Variants in CATSPER1 observed in about 807,000 individuals in gnomAD.
CATSPER1 encodes cation channel sperm-associated protein 1.
A neutral mutation model predicts 72.7 loss-of-function variants in CATSPER1; 57 were observed. The observed-to-expected ratio is 0.78, with a 90% confidence interval of 0.63 to 0.98. The LOEUF is 0.98. Among genes scored for constraint, CATSPER1 ranks in the 50% least tolerant of loss-of-function variants. The pLI, the probability that CATSPER1 is intolerant of heterozygous loss-of-function variation, is 0.00. For missense variants in CATSPER1, 910 were observed against 1,033.9 expected (o/e 0.88, Z 1.64); for synonymous variants, 363 against 403.0 (o/e 0.90, Z 1.19).
intron 1 of CATSPER1, among the ~76,000 whole-genome samples, chr11:66,023,877 C>T (rs569099467): frequency 3.6e-4 from 54 of 151,966 alleles, no homozygotes; most frequent in Non-Finnish European, 6.6e-4. Context: ...GAAATGTTCC[C>T]TCCTCTGGGC....
chr11:66,025,244 T>C lies in CATSPER1; in HGVS notation c.1136A>G (p.Lys379Arg). 6.2e-7 allele frequency: 1 copy of C among 1,614,156 alleles called. No homozygotes were observed. Among genetic ancestry groups the C allele is most frequent in the Non-Finnish European group, 8.5e-7 (1 of 1,180,030 alleles). The change falls in exon 1 of 12, where the codon AAA becomes AGA. Residue 379 changes from lysine to arginine, a missense_variant. Physicochemically the swap from Lys to Arg is conservative, Grantham distance 26 (BLOSUM62 2). Coordinates refer to ENST00000312106, the MANE Select transcript of CATSPER1 (RefSeq NM_053054.4). Reference sequence around the variant, plus strand: ...GGAGATATCCTGGGTATGGACTTTTTTGGACATCTGGGTGACACGTGAGCG... The same window carrying C: ...GGAGATATCCTGGGTATGGACTTTTCTGGACATCTGGGTGACACGTGAGCG... ...TIRSRVTQMS[K>R]KVHTQDISTK...
Position 66,025,591 on chromosome 11 carries a change from A to G in CATSPER1, c.789T>C (p.Tyr263=), listed in dbSNP as rs1856482672. 1.2e-6 allele frequency: 2 copies of G among 1,609,156 alleles called. No individual in the cohort carries two copies. Among genetic ancestry groups the G allele is most frequent in the Non-Finnish European group, 1.7e-6 (2 of 1,177,836 alleles). ...GATCACCTTGGTGGTACTCGCTGTG[A>G]TAGTCAGATATCCCACGCTGGTAGG... ...VGSYQRGISD[Y]HSEYHQGDHH... is the part of the protein sequence containing the mutation. Residue 263 remains tyrosine (Y), a synonymous_variant, in exon 1 of 12, where the codon TAT becomes TAC. Transcript: ENST00000312106.
rs1406065318 is a variant in CATSPER1, at chr11:66,020,289, G to A, written c.2064+28C>T. ...CCTCACTCCTCCAGCTTCCTGATCT[G>A]GTCCACCTGTCCCACCCCACTCGGT... On this transcript the variant is annotated intron_variant, in intron 8 of 11. Transcript: ENST00000312106. The surrounding 1 kb of genome is among the most constrained non-coding windows in gnomAD (Gnocchi z 4.5). 1 of 1,614,050 alleles carries A rather than the reference G, an allele frequency of 6.2e-7. No individual in the cohort carries two copies. The highest frequency in any genetic ancestry group is 1.7e-5 in the Admixed American group (1 of 60,024).
chr11:66,016,961 T>C, intron 11 of CATSPER1, 45 bp from the exon 12 acceptor site: 2 of 1,613,972 alleles, frequency 1.2e-6, no homozygotes. Flanking sequence ...AGCCAGACTT[T>C]GCCTTCCCCG....
Position 66,016,891 on chromosome 11 carries a change from C to G in CATSPER1, c.2342G>C (p.Ter781SerextTer44). ...FEAGEEDFRN[*>S] ...TCTGTATCTGGTGTCCTCCTGGGGT[C>G]AATTCCTGAAGTCCTCTTCTCCAGC... is the stretch of plus-strand genomic sequence containing the variant. Residue 781 changes from the stop codon to serine (S), a stop_lost, in exon 12 of 12, where the codon TGA becomes TCA. Transcript: ENST00000312106. 6.2e-7 allele frequency: 1 copy of G among 1,613,904 alleles called. No homozygotes were observed. Among genetic ancestry groups the G allele is most frequent in the Admixed American group, 1.7e-5 (1 of 59,982 alleles).
Position 66,021,102 on chromosome 11 carries a change from G to A in CATSPER1, c.1775C>T (p.Thr592Ile), listed in dbSNP as rs1404116187. The change falls in exon 5 of 12, where the codon ACC becomes ATC. Residue 592 changes from threonine (T) to isoleucine (I), a missense_variant. Thr to Ile is a moderately conservative substitution (Grantham distance 89). Coordinates refer to ENST00000312106, the MANE Select transcript of CATSPER1 (RefSeq NM_053054.4). ...SIAAILILMFTCLFLFSAVLR... is the reference protein window; with the variant it reads ...SIAAILILMFICLFLFSAVLR... ...CTGCAGCACCAGGATACAGAGGCAG[G>A]TAAACATGAGGATGAGGATGGCTGC... 6.2e-7 allele frequency: 1 copy of A among 1,612,556 alleles called. No homozygotes were observed. The highest frequency in any genetic ancestry group is 8.5e-7 in the Non-Finnish European group (1 of 1,179,568).
chr11:66,021,377 T>G (rs1590682920), intron 4 of CATSPER1, 119 bp downstream of exon 4: 1 of 1,353,438 alleles, frequency 7.4e-7, no homozygotes, highest in Non-Finnish European at 1.0e-6. Flanking sequence ...CAGGCTGGGG[T>G]CAGCAGCCTC....
Position 66,017,193 on chromosome 11 carries a change from G to GGGGGGGA in CATSPER1, c.2202-20_2202-19insTCCCCCC. ...CTGCTGCCTGCGGGTGGGCGGGGGG[G>GGGGGGGA]TCGCAGAGACAGGGGCTGGGCTGAC... On this transcript the variant is annotated intron_variant, in intron 10 of 11. Transcript: ENST00000312106. 3 of 493,814 alleles carry GGGGGGGA rather than the reference G, an allele frequency of 6.1e-6. No individual in the cohort carries two copies. Among genetic ancestry groups the GGGGGGGA allele is most frequent in the South Asian group, 1.6e-5 (1 of 64,082 alleles). 30.6% of individuals were successfully genotyped at this position (493,814 alleles called of 1,614,324 possible).
Position 66,025,223 on chromosome 11 carries a change from A to G in CATSPER1, c.1157T>C (p.Ile386Thr). 6.2e-7 allele frequency: 1 copy of G among 1,614,030 alleles called. No homozygotes were observed. The highest frequency in any genetic ancestry group is 8.5e-7 in the Non-Finnish European group (1 of 1,180,020). ...CCAGTCTTCTGAATGTTTGGTGGAG[A>G]TATCCTGGGTATGGACTTTTTTGGA... ...QMSKKVHTQD[I>T]STKHSEDWGK... Residue 386 changes from isoleucine (I) to threonine (T), a missense_variant, in exon 1 of 12, where the codon ATC becomes ACC. Transcript: ENST00000312106.
intron 9 of CATSPER1, 25 bp from the exon 10 acceptor site, chr11:66,018,927 G>A: frequency 1.3e-6 from 2 of 1,592,176 alleles, no homozygotes; most frequent in Non-Finnish European, 1.7e-6. Flanking sequence ...AGAAGGGTGA[G>A]GTCAAGGCCT....
intron 4 of CATSPER1, 69 bp downstream of exon 4, chr11:66,021,427 T>C: frequency 1.3e-6 from 2 of 1,576,756 alleles, no homozygotes; most frequent in South Asian, 1.1e-5. Context: ...GTGGATTTCT[T>C]TGGGGCCCTG....
chr11:66,017,189 G>T lies in CATSPER1; in HGVS notation c.2202-15C>A. 3 of 1,372,850 alleles carry T rather than the reference G, an allele frequency of 2.2e-6. No individual in the cohort carries two copies. The highest frequency in any genetic ancestry group is 2.4e-5 in the South Asian group (2 of 81,956). The allele number at this position is 1,372,850 out of a possible 1,614,324, so 85.0% of individuals were successfully genotyped here. A position where few individuals can be genotyped will look rare whatever the true frequency, so the allele number is the denominator to read the frequency against. ...GCTCCTGCTGCCTGCGGGTGGGCGG[G>T]GGGGTCGCAGAGACAGGGGCTGGGC... On this transcript the variant is annotated splice_polypyrimidine_tract_variant and intron_variant, in intron 10 of 11. Transcript: ENST00000312106.
chr11:66,022,018 T>C, intron 2 of CATSPER1, 139 bp from the exon 3 acceptor site: 1 of 718,466 alleles, frequency 1.4e-6, no homozygotes, highest in South Asian at 1.5e-5. Flanking sequence ...TCACTACTGC[T>C]GTGTCTCAGT....
chr11:66,023,057 G>A lies in CATSPER1; in HGVS notation c.1221C>T (p.Gly407=), dbSNP rs977956778. 1.2e-6 allele frequency: 2 copies of A among 1,613,766 alleles called. No individual in the cohort carries two copies. Among genetic ancestry groups the A allele is most frequent in the African/African-American group, 1.3e-5 (1 of 74,940 alleles). ...EEGQFQKRKT[G]RLQRTRKKGH... ...CCTTCTTGCGGGTCCGCTGGAGCCG[G>A]CCGGCTGAAAGGAACAGGGCCAGAA... The change falls in exon 2 of 12, where the codon GGC becomes GGT. Residue 407 remains glycine, a synonymous_variant. Transcript: ENST00000312106.
chr11:66,025,766 T>A lies in CATSPER1; in HGVS notation c.614A>T (p.Asp205Val). 6 of 1,613,518 alleles carry A rather than the reference T, an allele frequency of 3.7e-6. No individual in the cohort carries two copies. Among genetic ancestry groups the A allele is most frequent in the Non-Finnish European group, 5.1e-6 (6 of 1,179,810 alleles). ...EASHLSGLQH[D>V]ESQHHQVPHR... is the part of the protein sequence containing the mutation. Reference sequence around the variant, plus strand: ...GGGGACTTGGTGATGCTGGGACTCATCGTGTTGGAGCCCGCTAAGGTGGGA... The same window carrying A: ...GGGGACTTGGTGATGCTGGGACTCAACGTGTTGGAGCCCGCTAAGGTGGGA... The change falls in exon 1 of 12, where the codon GAT becomes GTT. Residue 205 changes from aspartate (D) to valine (V), a missense_variant. Physicochemically the swap from Asp to Val is radical, Grantham distance 152. Coordinates refer to ENST00000312106, the MANE Select transcript of CATSPER1 (RefSeq NM_053054.4).
In CATSPER1 at chr11:66,021,748, G is replaced by A. The variant is rs1488536904; in HGVS notation, c.1543+18C>T. ...CCCCCAGACTAAACACACGCAGCCT[G>A]GCCCCGGCCGCACCCACCCAAATTG... On this transcript the variant is annotated intron_variant, in intron 3 of 11. Coordinates refer to ENST00000312106, the MANE Select transcript of CATSPER1 (RefSeq NM_053054.4). The A allele has an allele frequency of 5.0e-6, 8 of 1,612,944 alleles. No homozygotes were observed. Among genetic ancestry groups the A allele is most frequent in the South Asian group, 1.1e-5 (1 of 91,072 alleles).
rs754679017 is a variant in CATSPER1 at position 66,021,836 on chromosome 11, G to A, written c.1473C>T (p.Tyr491=). The A allele has an allele frequency of 5.6e-6, 9 of 1,614,130 alleles. No individual in the cohort carries two copies. Among genetic ancestry groups the A allele is most frequent in the Admixed American group, 1.7e-5 (1 of 60,020 alleles). The change falls in exon 3 of 12, where the codon TAC becomes TAT. Residue 491 remains tyrosine (Y), a synonymous_variant. Transcript: ENST00000312106. ...MALDSIFFCI[Y]VVEALLKIIA... ...TGATCTTGAGCAGGGCTTCCACCAC[G>A]TAGATGCAGAAGAATATGGAGTCCA... is the stretch of plus-strand genomic sequence containing the variant.
At position 66,020,388 on chromosome 11, in the gene CATSPER1, G is replaced by A. The variant is rs765593398; in HGVS notation, c.1993C>T (p.Leu665=). ...CTATCCACCAGGACAGTAATCACCAGGCTGGGGAGAGGGACAGGGGTGTGC... is the reference window on the plus strand; with the variant it reads ...CTATCCACCAGGACAGTAATCACCAAGCTGGGGAGAGGGACAGGGGTGTGC... ...IIIQYFIFLN[L]VITVLVDSFQ... is the part of the protein sequence containing the mutation. The change falls in exon 8 of 12, where the codon CTG becomes TTG. Residue 665 remains leucine, a splice_region_variant and synonymous_variant. Coordinates refer to ENST00000312106, the MANE Select transcript of CATSPER1 (RefSeq NM_053054.4). The surrounding 1 kb of genome is among the most constrained non-coding windows in gnomAD (Gnocchi z 4.5). 4 of 1,614,070 alleles carry A rather than the reference G, an allele frequency of 2.5e-6. No homozygotes were observed. The highest frequency in any genetic ancestry group is 1.1e-5 in the South Asian group (1 of 91,086).
Position 66,025,635 on chromosome 11 carries a change from G to C in CATSPER1, c.745C>G (p.Pro249Ala). The C allele has an allele frequency of 6.2e-7, 1 of 1,613,590 alleles. No individual in the cohort carries two copies. Among genetic ancestry groups the C allele is most frequent in the Non-Finnish European group, 8.5e-7 (1 of 1,179,818 alleles). Residue 249 changes from proline (P) to alanine (A), a missense_variant, in exon 1 of 12, where the codon CCT (proline) becomes GCT (alanine). By Grantham distance (27) the Pro-to-Ala change is conservative. Coordinates refer to ENST00000312106, the MANE Select transcript of CATSPER1 (RefSeq NM_053054.4). ...KSPHHGETIS[P>A]HSSVGSYQRG... Reference sequence around the variant, plus strand: ...TGGTAGGACCCCACAGAGGAATGAGGGGAAATGGTCTCTCCGTGATGAGGA... The same window carrying C: ...TGGTAGGACCCCACAGAGGAATGAGCGGAAATGGTCTCTCCGTGATGAGGA...
Sources: gnomAD v4.1 joint callset for allele counts (sites outside exome capture counted in the v4.1 genomes callset) on GRCh38, gnomAD v4.1.1 for gene constraint, Gnocchi (gnomAD v3.1) non-coding constraint, MANE v1.5 for transcripts, NCBI Gene and HGNC (gene_info 2026-07-23, HGNC 2026-07-21) for gene names.